The following HMX1 variants were observed in gnomAD, a reference collection of about 807,000 sequenced individuals.
The protein encoded by HMX1 is H6 family homeobox 1, also known as homeobox protein HMX1.
HMX1 carries 8 observed loss-of-function variants against 8.9 expected under a neutral mutation model. That is an observed-to-expected ratio of 0.90 (90% CI 0.53 to 1.63). HMX1 has a LOEUF of 1.63. Ranked by LOEUF, HMX1 falls within the 40% of genes most tolerant of loss-of-function variation. HMX1 has a pLI of 0.00. For missense variants in HMX1, 621 were observed against 558.5 expected (o/e 1.11, Z -1.13); for synonymous variants, 311 against 283.4 (o/e 1.10, Z -0.98).
intron 1 of HMX1, among the ~76,000 whole-genome samples, chr4:8,852,639 C>G (rs1352054411): frequency 6.6e-6 from 1 of 152,242 alleles, no homozygotes; most frequent in African/African-American, 2.4e-5. Context: ...AACCAGGTCA[C>G]TGGTGCAGCT....
downstream of HMX1, among the ~76,000 whole-genome samples, chr4:8,866,055 C>A (rs1335904312): frequency 2.0e-5 from 3 of 152,158 alleles, no homozygotes; most frequent in Non-Finnish European, 4.4e-5. Context: ...GACCTGCGGG[C>A]CCAGAGGCTG....
At chr4:8,852,320 C>T (rs1721478795) in intron 1 of HMX1, among the ~76,000 whole-genome samples, 1 of 152,242 alleles carries the variant, frequency 6.6e-6, no homozygotes, top group East Asian at 1.9e-4. Flanking sequence ...GGCCCTCACG[C>T]CCTGCATCTG....
rs1721380591 is a variant in HMX1 at position 8,849,546 on chromosome 4, A to T, written c.395-3222T>A. On this transcript the variant is annotated intron_variant, in intron 1 of 1. Transcript: ENST00000506970. This position sits in a 1 kb window ranked among gnomAD's most constrained non-coding sequence, Gnocchi z 6.6. ...GGGGCTCAGACTTGTGGTCCCCAGAACTGCAAGATAAAACATTTCAATTGT... is the reference window on the plus strand; with the variant it reads ...GGGGCTCAGACTTGTGGTCCCCAGATCTGCAAGATAAAACATTTCAATTGT... Among the ~76,000 whole-genome samples, 1 of 152,082 alleles carries T rather than the reference A, an allele frequency of 6.6e-6. No homozygotes were observed. The highest frequency in any genetic ancestry group is 1.5e-5 in the Non-Finnish European group (1 of 68,010).
Position 8,867,655 on chromosome 4 carries a change from T to C in HMX1, c.*38A>G. 1 of 1,226,280 alleles carries C rather than the reference T, an allele frequency of 8.2e-7. No individual in the cohort carries two copies. 76.0% of individuals were successfully genotyped at this position (1,226,280 alleles called of 1,614,324 possible). On this transcript the variant is annotated 3_prime_UTR_variant, in exon 2 of 2. Transcript: ENST00000400677. ...CCGCTGAATCGCGCGTCCACACAGG[T>C]CCACAGGGTCGTGGGGAGAGGGCCC...
intron 1 of HMX1, among the ~76,000 whole-genome samples, chr4:8,852,006 G>A (rs544073586): frequency 2.0e-5 from 3 of 152,234 alleles, no homozygotes; most frequent in Admixed American, 6.5e-5. Flanking sequence ...GCTGGTTCCC[G>A]GGCAGGCAGC....
chr4:8,871,396 C>A lies in HMX1; in HGVS notation c.219G>T (p.Ala73=), dbSNP rs759899289. The change falls in exon 1 of 2, where the codon GCG becomes GCT. Residue 73 remains alanine, a synonymous_variant. Coordinates refer to ENST00000400677, the MANE Select transcript of HMX1 (RefSeq NM_018942.3). This position sits in a 1 kb window ranked among gnomAD's most constrained non-coding sequence, Gnocchi z 4.8. ...GCGCCTCCCCGCCGGGCCCGGTGCC[C>A]GCGAGCAACTGTCGCCGCCGCTGTA... is the stretch of plus-strand genomic sequence containing the variant. The part of the protein sequence containing the change: ...RRLQRRRQLL[A]GTGPGGEARA... The A allele has an allele frequency of 4.0e-6, 5 of 1,256,856 alleles. No homozygotes were observed. The South Asian group carries it at 1.1e-4, about 28-fold the overall frequency. The allele number at this position is 1,256,856 out of a possible 1,614,324, so 77.9% of individuals were successfully genotyped here. A position where few individuals can be genotyped will look rare whatever the true frequency, so the allele number is the denominator to read the frequency against.
intron 1 of HMX1, among the ~76,000 whole-genome samples, chr4:8,852,083 A>G (rs981883470): frequency 6.6e-6 from 1 of 152,196 alleles, no homozygotes; most frequent in East Asian, 1.9e-4. Flanking sequence ...GACCCTTCCA[A>G]GCCCCGGCTC....
downstream of HMX1, among the ~76,000 whole-genome samples, chr4:8,864,307 G>A (rs1721922763): frequency 6.6e-6 from 1 of 152,208 alleles, no homozygotes; most frequent in South Asian, 2.1e-4. Flanking sequence ...ATAGGCGTGT[G>A]TCCAGGATGT....
Sources: allele counts gnomAD v4.1 joint callset (sites outside exome capture counted in the v4.1 genomes callset), GRCh38; gene constraint gnomAD v4.1.1; non-coding constraint Gnocchi (gnomAD v3.1); transcripts MANE v1.5; gene names NCBI Gene and HGNC (gene_info 2026-07-23, HGNC 2026-07-21).